The following CDKAL1 variants were observed in gnomAD, a reference collection of about 807,000 sequenced individuals.
CDKAL1 encodes CDKAL1 threonylcarbamoyladenosine tRNA methylthiotransferase, also known as threonylcarbamoyladenosine tRNA methylthiotransferase.
In CDKAL1, 32 loss-of-function variants were observed where a neutral mutation model predicts 68.2. The observed-to-expected ratio is 0.47, with a 90% CI of 0.35 to 0.63. The LOEUF (loss-of-function observed/expected upper bound fraction) is 0.63, where lower values mean the gene tolerates loss of function less well. CDKAL1 is among the 30% of genes least tolerant of loss of function. The pLI is 0.00. For missense variants in CDKAL1, 606 were observed against 696.7 expected, an observed-to-expected ratio of 0.87 and a Z score of 1.47; for synonymous variants, 234 against 244.3, an observed-to-expected ratio of 0.96 and a Z score of 0.39.
intron 8 of CDKAL1, among the ~76,000 whole-genome samples, chr6:20,815,500 T>C (rs1777005554): frequency 6.6e-6 from 1 of 152,066 alleles, no homozygotes; most frequent in South Asian, 2.1e-4. Flanking sequence ...TCTCTTTTTC[T>C]CCTTTTTTTT....
At chr6:20,967,818 C>T (rs1034782512) in intron 10 of CDKAL1, among the ~76,000 whole-genome samples, 3 of 152,202 alleles carry the variant, frequency 2.0e-5, no homozygotes, top group South Asian at 2.1e-4. Context: ...TCTTGGTTTT[C>T]ATTTATCTGG....
At chr6:20,814,519 A>G (rs971366380) in intron 8 of CDKAL1, among the ~76,000 whole-genome samples, 1 of 152,174 alleles carries the variant, frequency 6.6e-6, no homozygotes, top group Non-Finnish European at 1.5e-5. Flanking sequence ...GCTTCGGGTG[A>G]TCCACCTGCG....
At chr6:20,564,671 T>G (rs1764389754) in intron 4 of CDKAL1, among the ~76,000 whole-genome samples, 1 of 152,226 alleles carries the variant, frequency 6.6e-6, no homozygotes, top group South Asian at 2.1e-4. Context: ...TAATGTTTCA[T>G]GGAAAACCTA....
chr6:20,746,085 C>T (rs1026877245), intron 6 of CDKAL1, among the ~76,000 whole-genome samples: 1 of 152,084 alleles, frequency 6.6e-6, no homozygotes, highest in African/African-American at 2.4e-5. Flanking sequence ...TTTACCCCTC[C>T]CCGCTACAGA....
intron 9 of CDKAL1, among the ~76,000 whole-genome samples, chr6:20,907,510 T>C (rs1288170829): frequency 1.3e-5 from 2 of 151,794 alleles, no homozygotes; most frequent in East Asian, 1.9e-4. Flanking sequence ...AAGAAAAAAA[T>C]AGTAATAAAA....
chr6:20,816,128 C>G (rs1019455897), intron 8 of CDKAL1, among the ~76,000 whole-genome samples: 20 of 137,382 alleles, frequency 1.5e-4, no homozygotes, highest in South Asian at 4.6e-4. Context: ...TGTCCCCCCC[C>G]CCGCCTTTTT....
At chr6:21,037,313 T>C (rs1281029413) in intron 11 of CDKAL1, among the ~76,000 whole-genome samples, 1 of 152,180 alleles carries the variant, frequency 6.6e-6, no homozygotes, top group Non-Finnish European at 1.5e-5. Context: ...TGCCTTTGCA[T>C]TACAGGAGAA....
intron 9 of CDKAL1, among the ~76,000 whole-genome samples, chr6:20,940,809 G>T (rs1763930855): frequency 1.3e-5 from 2 of 152,120 alleles, no homozygotes; most frequent in Admixed American, 1.3e-4. Context: ...CACATTTTAG[G>T]GCCAGGCACT....
chr6:20,616,547 T>C (rs1205416376), intron 4 of CDKAL1, among the ~76,000 whole-genome samples: 25 of 144,874 alleles, frequency 1.7e-4, no homozygotes, highest in Middle Eastern at 3.2e-3. Context: ...GAAGCAATTG[T>C]GAATGGGAGT....
intron 9 of CDKAL1, among the ~76,000 whole-genome samples, chr6:20,855,341 G>T (rs1581705389): frequency 6.7e-6 from 1 of 149,588 alleles, no homozygotes; most frequent in Non-Finnish European, 1.5e-5. Context: ...TACTTGGGAA[G>T]CTGAGGCAGG....
chr6:21,094,788 G>GTTTT (rs1773235325), intron 12 of CDKAL1, among the ~76,000 whole-genome samples: 1 of 152,152 alleles, frequency 6.6e-6, no homozygotes, highest in East Asian at 1.9e-4. Context: ...TCTTTTAAAT[G>GTTTT]AATGAATGCT....
chr6:21,122,579 A>G (rs1216616156), intron 13 of CDKAL1, among the ~76,000 whole-genome samples: 2 of 151,854 alleles, frequency 1.3e-5, no homozygotes, highest in African/African-American at 4.8e-5. Flanking sequence ...TCTGTTTTCA[A>G]CCTTTGAGAA....
intron 9 of CDKAL1, among the ~76,000 whole-genome samples, chr6:20,891,144 A>G (rs1292317998): frequency 6.6e-6 from 1 of 152,192 alleles, no homozygotes; most frequent in Non-Finnish European, 1.5e-5. Flanking sequence ...AGTGATTTAC[A>G]TGGCTACCGC....
intron 6 of CDKAL1, among the ~76,000 whole-genome samples, chr6:20,758,046 G>A (rs1189216749): frequency 6.6e-6 from 1 of 151,820 alleles, no homozygotes; most frequent in Non-Finnish European, 1.5e-5. Flanking sequence ...CCATGGCAAA[G>A]CTTCCTTAGT....
chr6:20,879,152 TAG>T (rs763328965), intron 9 of CDKAL1, among the ~76,000 whole-genome samples: 2 of 151,772 alleles, frequency 1.3e-5, no homozygotes, highest in African/African-American at 2.4e-5. Context: ...CAAAAGGATA[TAG>T]AAATACCTGC....
chr6:20,960,013 A>C (rs984956988), intron 10 of CDKAL1, among the ~76,000 whole-genome samples: 2 of 152,178 alleles, frequency 1.3e-5, no homozygotes, highest in Non-Finnish European at 2.9e-5. Flanking sequence ...AATCAGTACA[A>C]TTTATCAAGT....
intron 9 of CDKAL1, among the ~76,000 whole-genome samples, chr6:20,850,355 CTG>C (rs1758941935): frequency 6.6e-6 from 1 of 152,058 alleles, no homozygotes; most frequent in Non-Finnish European, 1.5e-5. Context: ...TCTATATCAA[CTG>C]TGGAATGAGG....
At chr6:20,866,745 T>C (rs1759928088) in intron 9 of CDKAL1, among the ~76,000 whole-genome samples, 1 of 152,190 alleles carries the variant, frequency 6.6e-6, no homozygotes, top group Admixed American at 6.5e-5. Context: ...ACATAATAGT[T>C]TGACTGTGAC....
chr6:20,760,979 A>T (rs1774435103), intron 7 of CDKAL1, among the ~76,000 whole-genome samples: 1 of 152,214 alleles, frequency 6.6e-6, no homozygotes, highest in Admixed American at 6.5e-5. Context: ...TAAGCCACAG[A>T]GTGGGAGAAA....
Sources: gnomAD v4.1 joint callset for allele counts (sites outside exome capture counted in the v4.1 genomes callset) on GRCh38, gnomAD v4.1.1 for gene constraint, MANE v1.5 for transcripts, NCBI Gene and HGNC (gene_info 2026-07-23, HGNC 2026-07-21) for gene names.